VPS54: variants seen among roughly 807,000 people sequenced by gnomAD.
VPS54 encodes the protein VPS54 subunit of GARP complex.
Under a neutral mutation model 121.5 loss-of-function variants are expected in VPS54, and 45 were observed. The observed-to-expected ratio is 0.37, with a 90% CI of 0.29 to 0.47. VPS54 has a LOEUF of 0.47. VPS54 is among the 20% of genes least tolerant of loss of function. The pLI is 0.99. For missense variants in VPS54, 1,090 were observed against 1,131.4 expected (o/e 0.96, Z 0.52); for synonymous variants, 371 against 385.8 (o/e 0.96, Z 0.45).
chr2:64,009,035 T>A (rs1375879873), intron 1 of VPS54, among the ~76,000 whole-genome samples: 1 of 152,214 alleles, frequency 6.6e-6, no homozygotes, highest in Non-Finnish European at 1.5e-5. Context: ...GAAGAGGGAA[T>A]CTGAATTCAG....
intron 20 of VPS54, among the ~76,000 whole-genome samples, chr2:63,908,226 A>G (rs1191610326): frequency 6.6e-6 from 1 of 152,124 alleles, no homozygotes; most frequent in Admixed American, 6.5e-5. Context: ...AATGAATACT[A>G]CTCTATAATA....
chr2:63,933,710 T>C lies in VPS54; in HGVS notation c.1702A>G (p.Thr568Ala). ...TTDSSSSKEH[T>A]SSSAIPGGVD... ...CCTCCTGGAATAGCAGATGATGATG[T>C]GTGCTCTTTGCTGGATGAAGAATCA... The change falls in exon 12 of 23, where the codon ACA becomes GCA. Residue 568 changes from threonine (T) to alanine (A), a missense_variant. Physicochemically the swap from Thr to Ala is moderately conservative, Grantham distance 58. Around this residue, in one of 2 missense-constraint regions of VPS54, gnomAD observed 801 missense variants for 757.0 expected, o/e 1.06. Transcript: ENST00000272322. 1 of 1,613,580 alleles carries C rather than the reference T, an allele frequency of 6.2e-7. No homozygotes were observed. Among genetic ancestry groups the C allele is most frequent in the Non-Finnish European group, 8.5e-7 (1 of 1,179,756 alleles).
At chr2:64,002,397 A>C (rs1038171035) in intron 1 of VPS54, among the ~76,000 whole-genome samples, 1 of 152,202 alleles carries the variant, frequency 6.6e-6, no homozygotes, top group Admixed American at 6.5e-5. Context: ...CATCCAGTGG[A>C]GCCTTCTAGT....
At chr2:63,990,859 T>A (rs1046531938) in intron 1 of VPS54, among the ~76,000 whole-genome samples, 1 of 152,228 alleles carries the variant, frequency 6.6e-6, no homozygotes, top group South Asian at 2.1e-4. Context: ...TTAAGGATGC[T>A]TGTACTCAGT....
rs1364784879 is a variant in VPS54 at position 63,942,492 on chromosome 2, C to G, written c.1371G>C (p.Lys457Asn). ...WFDLLKDIFS[K>N]FTIFLQRVKA... ...TCACTCTCTGTAGGAAAATTGTAAA[C>G]TTAGAGAAAATATCCTTGAGCAGAT... Residue 457 changes from lysine (K) to asparagine (N), a missense_variant, in exon 11 of 23, where the codon AAG becomes AAC. Around this residue, in one of 2 missense-constraint regions of VPS54, gnomAD observed 801 missense variants for 757.0 expected, o/e 1.06. Transcript: ENST00000272322. 1 of 1,595,814 alleles carries G rather than the reference C, an allele frequency of 6.3e-7. No homozygotes were observed. Among genetic ancestry groups the G allele is most frequent in the Non-Finnish European group, 8.5e-7 (1 of 1,170,236 alleles).
In VPS54 at chr2:63,981,060, A is replaced by G. The variant is rs1159203805; in HGVS notation, c.378+586T>C. On this transcript the variant is annotated intron_variant, in intron 3 of 22. Coordinates refer to ENST00000272322, the MANE Select transcript of VPS54 (RefSeq NM_016516.3). Reference sequence around the variant, plus strand: ...GGCTTGCTAATGAAAAAAGTATAAAAAGGAATGGTTATAAAAATATAAATA... The same window carrying G: ...GGCTTGCTAATGAAAAAAGTATAAAGAGGAATGGTTATAAAAATATAAATA... Among the ~76,000 whole-genome samples, 5 of 152,100 alleles carry G rather than the reference A, an allele frequency of 3.3e-5. 1 individual carries two copies. Among genetic ancestry groups the G allele is most frequent in the Admixed American group, 3.3e-4 (5 of 15,270 alleles).
intron 11 of VPS54, among the ~76,000 whole-genome samples, chr2:63,934,449 C>T (rs939451924): frequency 4.6e-5 from 7 of 152,136 alleles, no homozygotes; most frequent in Non-Finnish European, 1.0e-4. Context: ...TTATTCACTA[C>T]TCTCCAGACA....
At position 63,893,316 on chromosome 2, in the gene VPS54, C is replaced by G; in HGVS notation, c.*114G>C. 1 of 908,924 alleles carries G rather than the reference C, an allele frequency of 1.1e-6. No homozygotes were observed. 56.3% of individuals were successfully genotyped at this position (908,924 alleles called of 1,614,324 possible). A position where few individuals can be genotyped will look rare whatever the true frequency, so the allele number is the denominator to read the frequency against. ...TGATACTTTCCTTTTTCCCTTCCCCCACCCCAGTTCACTTTGGGTTTCAGG... is the reference window on the plus strand; with the variant it reads ...TGATACTTTCCTTTTTCCCTTCCCCGACCCCAGTTCACTTTGGGTTTCAGG... On this transcript the variant is annotated 3_prime_UTR_variant, in exon 23 of 23. Coordinates refer to ENST00000272322, the MANE Select transcript of VPS54 (RefSeq NM_016516.3).
intron 7 of VPS54, 47 bp downstream of exon 7, chr2:63,962,011 T>C (rs775339684): frequency 1.4e-6 from 2 of 1,478,684 alleles, no homozygotes; most frequent in South Asian, 3.0e-5. Context: ...ATTTTATCCT[T>C]TAAAAATTTC....
Position 63,892,712 on chromosome 2 carries a change from T to A in VPS54, c.*718A>T, listed in dbSNP as rs1390994241. ...CATTTCTGAAAAGTATTTAGTTGCATAAATAGATGCCAGGATCTTTTTTTT... is the reference window on the plus strand; with the variant it reads ...CATTTCTGAAAAGTATTTAGTTGCAAAAATAGATGCCAGGATCTTTTTTTT... On this transcript the variant is annotated 3_prime_UTR_variant, in exon 23 of 23. Coordinates refer to ENST00000272322, the MANE Select transcript of VPS54 (RefSeq NM_016516.3). 1 of 141,744 alleles carries A rather than the reference T, an allele frequency of 7.1e-6. No individual in the cohort carries two copies. The highest frequency in any genetic ancestry group is 7.3e-5 in the Admixed American group (1 of 13,754). 8.8% of individuals were successfully genotyped at this position (141,744 alleles called of 1,614,324 possible).
chr2:63,948,000 C>G (rs146593236), intron 8 of VPS54, among the ~76,000 whole-genome samples: 48 of 152,184 alleles, frequency 3.2e-4, no homozygotes, highest in Middle Eastern at 3.4e-3. Context: ...CCACACCTGG[C>G]TAATTTTTAA....
At chr2:63,930,327 G>T (rs1307849463) in intron 12 of VPS54, among the ~76,000 whole-genome samples, 1 of 152,128 alleles carries the variant, frequency 6.6e-6, no homozygotes, top group Non-Finnish European at 1.5e-5. Flanking sequence ...GATCAAGTCA[G>T]CTTCATCCCT....
intron 7 of VPS54, among the ~76,000 whole-genome samples, chr2:63,955,041 T>C (rs1675429869): frequency 6.6e-6 from 1 of 152,040 alleles, no homozygotes; most frequent in South Asian, 2.1e-4. Context: ...TTTGAAAATA[T>C]AAATGACATT....
intron 3 of VPS54, 123 bp downstream of exon 3, chr2:63,981,523 G>T: frequency 9.1e-7 from 1 of 1,097,002 alleles, no homozygotes; most frequent in Non-Finnish European, 1.3e-6. Flanking sequence ...AGTACAATTT[G>T]TATGAACGAA....
In VPS54 at chr2:63,893,391, CCCATGGTCAGAT is replaced by C; in HGVS notation, c.*27_*38del. 1 of 1,535,174 alleles carries C rather than the reference CCCATGGTCAGAT, an allele frequency of 6.5e-7. No individual in the cohort carries two copies. The highest frequency in any genetic ancestry group is 9.0e-7 in the Non-Finnish European group (1 of 1,108,364). On this transcript the variant is annotated 3_prime_UTR_variant, in exon 23 of 23. Coordinates refer to ENST00000272322, the MANE Select transcript of VPS54 (RefSeq NM_016516.3). ...CAGATTTTCTTCATAACAAACACATCCCATGGTCAGATGAACTACCCAGTTTTCCAGGATGAC... is the reference window on the plus strand; with the variant it reads ...CAGATTTTCTTCATAACAAACACATCGAACTACCCAGTTTTCCAGGATGAC...
At chr2:63,967,656 T>C (rs1391967210) in intron 5 of VPS54, among the ~76,000 whole-genome samples, 5 of 139,666 alleles carry the variant, frequency 3.6e-5, no homozygotes, top group Non-Finnish European at 7.6e-5. Flanking sequence ...GAGGCGGAGG[T>C]TGCAGTGAGC....
intron 1 of VPS54, among the ~76,000 whole-genome samples, chr2:64,013,637 T>G (rs1347404743): frequency 6.8e-6 from 1 of 145,992 alleles, no homozygotes; most frequent in Non-Finnish European, 1.5e-5. Context: ...TATATAAATA[T>G]ATATCAATAT....
chr2:63,975,057 C>CT, intron 3 of VPS54: 2 of 1,537,542 alleles, frequency 1.3e-6, no homozygotes, highest in Non-Finnish European at 1.8e-6. Context: ...TTTTTTTTTT[C>CT]TTTTTTGAGA....
At chr2:63,939,109 A>T (rs899924082) in intron 11 of VPS54, among the ~76,000 whole-genome samples, 5 of 152,128 alleles carry the variant, frequency 3.3e-5, no homozygotes, top group Non-Finnish European at 7.4e-5. Context: ...TTTAAAAAGT[A>T]TAATACTAAA....
Sources: allele counts gnomAD v4.1 joint callset (sites outside exome capture counted in the v4.1 genomes callset), GRCh38; gene constraint gnomAD v4.1.1; regional missense constraint gnomAD v4.1.1; transcripts MANE v1.5; gene names NCBI Gene and HGNC (gene_info 2026-07-23, HGNC 2026-07-21).